KCND3: variants seen among roughly 807,000 people sequenced by gnomAD.
KCND3 encodes the protein A-type voltage-gated potassium channel KCND3.
KCND3 carries 9 observed loss-of-function variants against 51.1 expected under a neutral mutation model. That is an observed-to-expected ratio of 0.18 (90% CI 0.11 to 0.31). The LOEUF (loss-of-function observed/expected upper bound fraction) is 0.31. KCND3 is among the 10% of genes least tolerant of loss of function. KCND3 has a pLI of 1.00. For missense variants in KCND3, 526 were observed against 903.8 expected (o/e 0.58, Z 5.36); for synonymous variants, 349 against 368.0 (o/e 0.95, Z 0.59).
chr1:111,939,429 C>G (rs1672382076), intron 2 of KCND3, among the ~76,000 whole-genome samples: 1 of 152,016 alleles, frequency 6.6e-6, no homozygotes, highest in African/African-American at 2.4e-5. Flanking sequence ...CCTTCCTGTG[C>G]CCATATGTTC....
At chr1:111,783,450 G>C (rs1664474892) in intron 3 of KCND3, among the ~76,000 whole-genome samples, 1 of 152,222 alleles carries the variant, frequency 6.6e-6, no homozygotes, top group African/African-American at 2.4e-5. Flanking sequence ...GAAGGAGAAT[G>C]CTGCTACCCT....
chr1:111,832,716 T>C (rs1666894393), intron 2 of KCND3, among the ~76,000 whole-genome samples: 1 of 151,972 alleles, frequency 6.6e-6, no homozygotes, highest in Non-Finnish European at 1.5e-5. Flanking sequence ...AGTGGCAGAA[T>C]GATAAATGTG....
intron 2 of KCND3, among the ~76,000 whole-genome samples, chr1:111,944,319 C>A (rs1372164932): frequency 6.6e-6 from 1 of 152,230 alleles, no homozygotes; most frequent in African/African-American, 2.4e-5. Context: ...TACACACCTG[C>A]CATTGTCATT....
intron 2 of KCND3, among the ~76,000 whole-genome samples, chr1:111,946,566 A>C (rs906159297): frequency 2.6e-5 from 4 of 152,182 alleles, no homozygotes; most frequent in Non-Finnish European, 5.9e-5. Context: ...ATCACTCCCA[A>C]GTCTCCAGAC....
intron 2 of KCND3, among the ~76,000 whole-genome samples, chr1:111,896,160 A>G (rs970505510): frequency 1.3e-5 from 2 of 151,588 alleles, no homozygotes; most frequent in Non-Finnish European, 2.9e-5. Flanking sequence ...AAGCGGAGGG[A>G]CCTCCCCGAG....
intron 2 of KCND3, among the ~76,000 whole-genome samples, chr1:111,954,952 C>A (rs549659081): frequency 4.6e-5 from 7 of 152,298 alleles, no homozygotes; most frequent in African/African-American, 1.7e-4. Context: ...TTATGTCAAC[C>A]TAGATGGAGC....
chr1:111,973,329 C>T (rs911102068), intron 2 of KCND3, among the ~76,000 whole-genome samples: 8 of 152,080 alleles, frequency 5.3e-5, no homozygotes, highest in Non-Finnish European at 1.0e-4. Context: ...TCAGCAAGGC[C>T]CCATGGTTTG....
intron 2 of KCND3, among the ~76,000 whole-genome samples, chr1:111,946,802 G>A (rs1186979558): frequency 1.3e-5 from 2 of 152,214 alleles, no homozygotes; most frequent in South Asian, 2.1e-4. Context: ...CCACTGGGTA[G>A]GCAAGGCCAA....
intron 2 of KCND3, among the ~76,000 whole-genome samples, chr1:111,875,954 G>A (rs866268601): frequency 3.3e-5 from 5 of 152,226 alleles, no homozygotes; most frequent in Non-Finnish European, 5.9e-5. Context: ...GGAGGCAGCA[G>A]AGAAACAGGG....
At chr1:111,895,583 C>G (rs1454196507) in intron 2 of KCND3, among the ~76,000 whole-genome samples, 2 of 152,350 alleles carry the variant, frequency 1.3e-5, no homozygotes, top group East Asian at 3.9e-4. Context: ...AGTGATCAGG[C>G]CCTGATAGCA....
intron 2 of KCND3, among the ~76,000 whole-genome samples, chr1:111,946,555 G>A (rs151063909): frequency 6.6e-6 from 1 of 152,140 alleles, no homozygotes; most frequent in Non-Finnish European, 1.5e-5. Flanking sequence ...GGCCTGCCAG[G>A]ATCACTCCCA....
intron 1 of KCND3, among the ~76,000 whole-genome samples, chr1:111,988,423 T>A (rs1571951865): frequency 6.6e-6 from 1 of 152,246 alleles, no homozygotes; most frequent in South Asian, 2.1e-4. Flanking sequence ...AACCTCTTTC[T>A]CTGGGGGGTC....
chr1:111,976,181 A>C (rs1674614091), intron 2 of KCND3, among the ~76,000 whole-genome samples: 1 of 152,220 alleles, frequency 6.6e-6, no homozygotes, highest in Non-Finnish European at 1.5e-5. Flanking sequence ...TAAATAACTG[A>C]ATGGAGAAAA....
chr1:111,929,961 C>T (rs1215050675), intron 2 of KCND3, among the ~76,000 whole-genome samples: 1 of 152,144 alleles, frequency 6.6e-6, no homozygotes. Flanking sequence ...ATTAAAGTAA[C>T]CCAGGGCCCA....
At position 111,982,781 on chromosome 1, in the gene KCND3, GAGTT is replaced by G; in HGVS notation, c.-59_-56del. The G allele has an allele frequency of 6.4e-7, 1 of 1,560,320 alleles. No homozygotes were observed. Among genetic ancestry groups the G allele is most frequent in the Non-Finnish European group, 8.6e-7 (1 of 1,160,328 alleles). On this transcript the variant is annotated 5_prime_UTR_variant, in exon 2 of 8. Coordinates refer to ENST00000302127, the MANE Select transcript of KCND3 (RefSeq NM_001378969.1). This position sits in a 1 kb window ranked among gnomAD's most constrained non-coding sequence, Gnocchi z 8.5. ...CGCGGACGCTAGGCACACCAGCTTGGAGTTAGTTCAGCAAACCCTGGGAGACAGG... is the reference window on the plus strand; with the variant it reads ...CGCGGACGCTAGGCACACCAGCTTGGAGTTCAGCAAACCCTGGGAGACAGG...
intron 2 of KCND3, among the ~76,000 whole-genome samples, chr1:111,938,875 G>A (rs1296589133): frequency 1.3e-5 from 2 of 152,216 alleles, no homozygotes; most frequent in Non-Finnish European, 2.9e-5. Flanking sequence ...GAGCAGAGGA[G>A]GGAGCCAAGC....
At chr1:111,939,553 A>T (rs60401722) in intron 2 of KCND3, among the ~76,000 whole-genome samples, 1,794 of 152,168 alleles carry the variant, frequency 0.012, 36 homozygotes, top group African/African-American at 0.041. Context: ...AAGGACATGA[A>T]CTCATCCTTT....
intron 2 of KCND3, among the ~76,000 whole-genome samples, chr1:111,801,837 A>T (rs957238928): frequency 4.6e-5 from 7 of 152,046 alleles, no homozygotes; most frequent in Non-Finnish European, 1.0e-4. Context: ...CTCTTCCATT[A>T]AGTCTCAGAC....
intron 2 of KCND3, among the ~76,000 whole-genome samples, chr1:111,874,820 C>A (rs36020575): frequency 6.6e-6 from 1 of 152,166 alleles, no homozygotes; most frequent in Non-Finnish European, 1.5e-5. Context: ...ATACAAACAA[C>A]GTCTCACTAG....
Sources: gnomAD v4.1 joint callset for allele counts (sites outside exome capture counted in the v4.1 genomes callset) on GRCh38, gnomAD v4.1.1 for gene constraint, Gnocchi (gnomAD v3.1) non-coding constraint, MANE v1.5 for transcripts, NCBI Gene and HGNC (gene_info 2026-07-23, HGNC 2026-07-21) for gene names.